The following PTPRG variants were observed in gnomAD, a reference collection of about 807,000 sequenced individuals.
The protein encoded by PTPRG is receptor-type tyrosine-protein phosphatase gamma.
Under a neutral mutation model 165.3 loss-of-function variants are expected in PTPRG, and 102 were observed. That is an observed-to-expected ratio of 0.62 (90% CI 0.53 to 0.73). The LOEUF (loss-of-function observed/expected upper bound fraction) is 0.73. Ranked by LOEUF, PTPRG falls within the 30% of genes least tolerant of loss-of-function variation. The pLI is 0.00. For synonymous variants in PTPRG, 675 were observed against 669.5 expected (o/e 1.01, Z -0.13); for missense variants, 1,866 against 1,861.4 (o/e 1.00, Z -0.05).
intron 1 of PTPRG, among the ~76,000 whole-genome samples, chr3:61,712,073 T>C (rs2031586712): frequency 6.6e-6 from 1 of 152,074 alleles, no homozygotes; most frequent in Non-Finnish European, 1.5e-5. Flanking sequence ...TTTGTATTTT[T>C]AGTAGAGACG....
At chr3:61,730,252 C>G (rs2032439316) in intron 1 of PTPRG, among the ~76,000 whole-genome samples, 1 of 129,632 alleles carries the variant, frequency 7.7e-6, no homozygotes, top group South Asian at 2.4e-4. Flanking sequence ...AGCTGTCGTG[C>G]TTTTACACTG....
intron 4 of PTPRG, among the ~76,000 whole-genome samples, chr3:62,062,774 T>C (rs541833520): frequency 3.1e-4 from 47 of 152,266 alleles, no homozygotes; most frequent in African/African-American, 1.1e-3. Context: ...GTGATTGCTC[T>C]ACTTCAGCCT....
At chr3:61,661,776 A>G (rs914759407) in intron 1 of PTPRG, among the ~76,000 whole-genome samples, 4 of 152,072 alleles carry the variant, frequency 2.6e-5, no homozygotes, top group African/African-American at 9.7e-5. Context: ...AGACACATAA[A>G]ACACCAGCAC....
intron 4 of PTPRG, among the ~76,000 whole-genome samples, chr3:62,005,424 G>A (rs1271830219): frequency 6.6e-6 from 1 of 152,162 alleles, no homozygotes; most frequent in East Asian, 1.9e-4. Flanking sequence ...ATGAGTTGAA[G>A]GGGTAGCTTT....
intron 4 of PTPRG, among the ~76,000 whole-genome samples, chr3:62,074,624 A>G (rs934910811): frequency 7.9e-5 from 12 of 152,044 alleles, no homozygotes; most frequent in African/African-American, 2.7e-4. Flanking sequence ...TACATGCATG[A>G]GCCACATTGC....
At position 62,293,584 on chromosome 3, in the gene PTPRG, T is replaced by C. The variant is rs1702973792; in HGVS notation, c.*277T>C. On this transcript the variant is annotated 3_prime_UTR_variant, in exon 30 of 30. Transcript: ENST00000474889. The stretch of plus-strand genomic sequence containing the variant: ...TCTTATACAACAGCAAACCCTGATG[T>C]GACATTCCATGACGACATACATGCT... 3.9e-6 allele frequency: 1 copy of C among 255,694 alleles called. No individual in the cohort carries two copies. The highest frequency in any genetic ancestry group is 7.0e-5 in the East Asian group (1 of 14,282). The allele number at this position is 255,694 out of a possible 1,614,324, so 15.8% of individuals were successfully genotyped here.
At chr3:62,176,840 A>T (rs1443968267) in intron 8 of PTPRG, among the ~76,000 whole-genome samples, 1 of 152,158 alleles carries the variant, frequency 6.6e-6, no homozygotes, top group East Asian at 1.9e-4. Flanking sequence ...AAATAATAAG[A>T]CAGGATAAGG....
intron 1 of PTPRG, among the ~76,000 whole-genome samples, chr3:61,610,766 C>CCTCT (rs1178788575): frequency 4.0e-5 from 5 of 125,948 alleles, no homozygotes; most frequent in African/African-American, 1.4e-4. Context: ...TCCCTCCCTC[C>CCTCT]CTCCCTACCT....
At chr3:61,898,609 C>T (rs1272452551) in intron 2 of PTPRG, among the ~76,000 whole-genome samples, 1 of 152,174 alleles carries the variant, frequency 6.6e-6, no homozygotes, top group African/African-American at 2.4e-5. Flanking sequence ...TGATAGGTTA[C>T]ATTGCGTTGT....
Position 62,273,631 on chromosome 3 carries a change from A to G in PTPRG, c.3319-67A>G. The G allele has an allele frequency of 6.6e-7, 1 of 1,504,200 alleles. No individual in the cohort carries two copies. The highest frequency in any genetic ancestry group is 9.2e-7 in the Non-Finnish European group (1 of 1,086,778). The allele number at this position is 1,504,200 out of a possible 1,614,324, so 93.2% of individuals were successfully genotyped here. A position where few individuals can be genotyped will look rare whatever the true frequency, so the allele number is the denominator to read the frequency against. On this transcript the variant is annotated intron_variant, in intron 22 of 29. Transcript: ENST00000474889. The surrounding 1 kb of genome is among the most constrained non-coding windows in gnomAD (Gnocchi z 4.1). ...GTTAGCAGCAGAATTAAACTAAGGTACACTTCATGAATGAGTGGCTAACCC... is the reference window on the plus strand; with the variant it reads ...GTTAGCAGCAGAATTAAACTAAGGTGCACTTCATGAATGAGTGGCTAACCC...
intron 2 of PTPRG, among the ~76,000 whole-genome samples, chr3:61,946,113 C>T (rs938357698): frequency 3.3e-5 from 5 of 152,112 alleles, no homozygotes; most frequent in Non-Finnish European, 7.4e-5. Context: ...AAATTAAAAA[C>T]TTGGCCACAA....
intron 2 of PTPRG, among the ~76,000 whole-genome samples, chr3:61,906,476 C>CAT (rs769874578): frequency 2.6e-5 from 4 of 151,050 alleles, no homozygotes; most frequent in Non-Finnish European, 5.9e-5. Flanking sequence ...GAAAAAAAAA[C>CAT]ATATATATAT....
intron 2 of PTPRG, among the ~76,000 whole-genome samples, chr3:61,902,714 C>A (rs2038530421): frequency 1.3e-5 from 2 of 152,272 alleles, no homozygotes; most frequent in South Asian, 2.1e-4. Context: ...CATTAACTGT[C>A]TTCTCTCAGC....
chr3:62,193,790 T>C (rs1171117853), intron 9 of PTPRG, among the ~76,000 whole-genome samples: 2 of 152,224 alleles, frequency 1.3e-5, no homozygotes, highest in Non-Finnish European at 2.9e-5. Flanking sequence ...AATAGCTGCG[T>C]TGGGAAAACC....
Position 61,562,170 on chromosome 3 carries a change from C to G in PTPRG, c.-118C>G, listed in dbSNP as rs1461810963. The G allele has an allele frequency of 2.6e-6, 2 of 772,224 alleles. No individual in the cohort carries two copies. Among genetic ancestry groups the G allele is most frequent in the Non-Finnish European group, 4.2e-6 (2 of 475,164 alleles). 47.8% of individuals were successfully genotyped at this position (772,224 alleles called of 1,614,324 possible). On this transcript the variant is annotated 5_prime_UTR_variant, in exon 1 of 30. Coordinates refer to ENST00000474889, the MANE Select transcript of PTPRG (RefSeq NM_002841.4). Reference sequence around the variant, plus strand: ...GACTCGGGCCGCCGAGCGCGGGGGGCCCGTGGAGCGGGCGAGCCGGGGAAG... The same window carrying G: ...GACTCGGGCCGCCGAGCGCGGGGGGGCCGTGGAGCGGGCGAGCCGGGGAAG...
intron 28 of PTPRG, among the ~76,000 whole-genome samples, chr3:62,284,791 T>C (rs1374585537): frequency 2.0e-5 from 3 of 152,168 alleles, no homozygotes; most frequent in African/African-American, 7.2e-5. Context: ...CCAAGTCTGA[T>C]TGGCCACCAA....
chr3:61,908,121 TAAAAAAAA>T (rs1183592777), intron 2 of PTPRG, among the ~76,000 whole-genome samples: 9 of 67,184 alleles, frequency 1.3e-4, no homozygotes, highest in South Asian at 7.9e-4. Context: ...CACCTCTCTT[TAAAAAAAA>T]AAAAAAAAAA....
intron 4 of PTPRG, among the ~76,000 whole-genome samples, chr3:62,055,540 C>A (rs1386354355): frequency 1.3e-5 from 2 of 152,128 alleles, no homozygotes; most frequent in Non-Finnish European, 2.9e-5. Flanking sequence ...GTATTTATTT[C>A]CTAGGGTTGC....
At chr3:62,093,964 C>A (rs1402701535) in intron 5 of PTPRG, among the ~76,000 whole-genome samples, 1 of 152,142 alleles carries the variant, frequency 6.6e-6, no homozygotes, top group Non-Finnish European at 1.5e-5. Context: ...TTCTCTCTTC[C>A]TTTTCCTCCT....
Sources: gnomAD v4.1 joint callset for allele counts (sites outside exome capture counted in the v4.1 genomes callset) on GRCh38, gnomAD v4.1.1 for gene constraint, Gnocchi (gnomAD v3.1) non-coding constraint, MANE v1.5 for transcripts, NCBI Gene and HGNC (gene_info 2026-07-23, HGNC 2026-07-21) for gene names.